Variants in MFHAS1 observed in about 807,000 individuals in gnomAD.
MFHAS1 encodes the protein malignant fibrous histiocytoma-amplified sequence 1.
In MFHAS1, 50 loss-of-function variants were observed where a neutral mutation model predicts 70.4. That is an observed-to-expected ratio of 0.71 (90% CI 0.57 to 0.90). The LOEUF (loss-of-function observed/expected upper bound fraction) is 0.90. Ranked by LOEUF, MFHAS1 falls within the 40% of genes least tolerant of loss-of-function variation. MFHAS1 has a pLI of 0.00. For missense variants in MFHAS1, 1,795 were observed against 1,347.6 expected, an observed-to-expected ratio of 1.33 and a Z score of -5.20; for synonymous variants, 952 against 620.0, an observed-to-expected ratio of 1.54 and a Z score of -7.96.
rs529739284 is a variant in MFHAS1, at chr8:8,833,987, A to T, written c.2999-36496T>A. On this transcript the variant is annotated intron_variant, in intron 1 of 2. Coordinates refer to ENST00000276282, the MANE Select transcript of MFHAS1 (RefSeq NM_004225.3). ...CTAAAAATACAAAAATTAGCTGGGCATGGTGGTACATGTCTGTAATCCCAG... is the reference window on the plus strand; with the variant it reads ...CTAAAAATACAAAAATTAGCTGGGCTTGGTGGTACATGTCTGTAATCCCAG... 1.5e-3 allele frequency among the ~76,000 whole-genome samples: 229 copies of T among 152,102 alleles called. 3 individuals are homozygous for T. The highest frequency in any genetic ancestry group is 4.8e-3 in the African/African-American group (199 of 41,510).
At chr8:8,840,996 T>A (rs1261554099) in intron 1 of MFHAS1, among the ~76,000 whole-genome samples, 1 of 152,232 alleles carries the variant, frequency 6.6e-6, no homozygotes, top group African/African-American at 2.4e-5. Flanking sequence ...TGTAAAACTA[T>A]AAGCCCCATC....
chr8:8,842,142 C>T (rs11992868), intron 1 of MFHAS1, among the ~76,000 whole-genome samples: 4,694 of 152,252 alleles, frequency 0.031, 181 homozygotes, highest in African/African-American at 0.097. Flanking sequence ...GCACGACCCA[C>T]CCTACCTTCT....
rs763484243 is a variant in MFHAS1 at position 8,891,426 on chromosome 8, G to A, written c.1633C>T (p.Arg545Cys). The change falls in exon 1 of 3, where the codon CGT (arginine) becomes TGT (cysteine). Residue 545 changes from arginine to cysteine, a missense_variant. Arg to Cys is a radical substitution (Grantham distance 180). Transcript: ENST00000276282. The surrounding 1 kb of genome is among the most constrained non-coding windows in gnomAD (Gnocchi z 5.4). ...VGTHADLCGE[R>C]ELEEKCLDIH... is the part of the protein sequence containing the mutation. Reference sequence around the variant, plus strand: ...TCCAGACATTTCTCCTCCAGCTCACGCTCTCCGCACAGGTCTGCGTGGGTG... The same window carrying A: ...TCCAGACATTTCTCCTCCAGCTCACACTCTCCGCACAGGTCTGCGTGGGTG... 5.6e-6 allele frequency: 9 copies of A among 1,612,666 alleles called. No individual in the cohort carries two copies. In the Admixed American group the frequency reaches 8.3e-5, roughly 15 times the overall value.
intron 1 of MFHAS1, among the ~76,000 whole-genome samples, chr8:8,865,836 T>C (rs1289307947): frequency 1.3e-5 from 2 of 152,178 alleles, no homozygotes; most frequent in Admixed American, 6.5e-5. Context: ...AGAAGCCTGG[T>C]TGATGTAAAA....
intron 2 of MFHAS1, among the ~76,000 whole-genome samples, chr8:8,790,799 T>C (rs769084832): frequency 6.6e-6 from 1 of 152,202 alleles, no homozygotes; most frequent in Non-Finnish European, 1.5e-5. Flanking sequence ...TATTTGGTGA[T>C]ATAAAGGCTA....
chr8:8,838,115 A>T (rs1478033721), intron 1 of MFHAS1, among the ~76,000 whole-genome samples: 4 of 152,268 alleles, frequency 2.6e-5, no homozygotes, highest in Non-Finnish European at 5.9e-5. Flanking sequence ...CAACACCTCA[A>T]GAGTGAGTGT....
chr8:8,835,253 T>TA (rs1807556785), intron 1 of MFHAS1, among the ~76,000 whole-genome samples: 2 of 152,050 alleles, frequency 1.3e-5, no homozygotes, highest in African/African-American at 4.8e-5. Flanking sequence ...ATCACACACT[T>TA]AAAAAAATAG....
chr8:8,816,224 G>C (rs74526394), intron 1 of MFHAS1, among the ~76,000 whole-genome samples: 1,778 of 152,148 alleles, frequency 0.012, 37 homozygotes, highest in East Asian at 0.083. Flanking sequence ...TGGGGTCTGG[G>C]GTGACGATTT....
At chr8:8,887,859 C>CAAA (rs11300082) in intron 1 of MFHAS1, among the ~76,000 whole-genome samples, 5 of 95,458 alleles carry the variant, frequency 5.2e-5, no homozygotes, top group Non-Finnish European at 9.4e-5. Context: ...GCAAAAAAAA[C>CAAA]AAAAAAAAAA....
intron 1 of MFHAS1, among the ~76,000 whole-genome samples, chr8:8,883,302 G>A (rs1809601798): frequency 6.6e-6 from 1 of 152,194 alleles, no homozygotes; most frequent in African/African-American, 2.4e-5. Flanking sequence ...AGAGACAAGA[G>A]AGGGCAGTAC....
intron 1 of MFHAS1, among the ~76,000 whole-genome samples, chr8:8,851,882 G>C (rs988309535): frequency 6.6e-6 from 1 of 152,166 alleles, no homozygotes; most frequent in African/African-American, 2.4e-5. Context: ...CGATCACAGT[G>C]TTCTCCATTC....
At chr8:8,855,324 G>C (rs1488566798) in intron 1 of MFHAS1, among the ~76,000 whole-genome samples, 1 of 152,170 alleles carries the variant, frequency 6.6e-6, no homozygotes, top group African/African-American at 2.4e-5. Flanking sequence ...ATTAAGACAT[G>C]GCATCTTACC....
intron 1 of MFHAS1, among the ~76,000 whole-genome samples, chr8:8,874,267 T>A (rs1039547766): frequency 2.6e-5 from 4 of 152,004 alleles, no homozygotes; most frequent in Admixed American, 6.6e-5. Flanking sequence ...GGTATAGGTG[T>A]GACTGAACAA....
Position 8,890,650 on chromosome 8 carries a change from A to G in MFHAS1, c.2409T>C (p.Ile803=). ...GGACATGAGGCTTAAGCAGCAACCG[A>G]ATGACATGAGCTGGCAAGAGCCCAT... is the stretch of plus-strand genomic sequence containing the variant. The part of the protein sequence containing the change: ...LLHGLLPAHV[I]RLLLKPHVQA... Residue 803 remains isoleucine, a synonymous_variant, in exon 1 of 3, where the codon ATT becomes ATC. Coordinates refer to ENST00000276282, the MANE Select transcript of MFHAS1 (RefSeq NM_004225.3). 1 of 1,613,606 alleles carries G rather than the reference A, an allele frequency of 6.2e-7. No individual in the cohort carries two copies. Among genetic ancestry groups the G allele is most frequent in the Non-Finnish European group, 8.5e-7 (1 of 1,179,682 alleles).
At chr8:8,826,777 C>T (rs561577102) in intron 1 of MFHAS1, among the ~76,000 whole-genome samples, 17 of 152,164 alleles carry the variant, frequency 1.1e-4, no homozygotes, top group African/African-American at 4.1e-4. Flanking sequence ...TTGGGTTTTC[C>T]GATTCCAACT....
At chr8:8,831,844 G>A (rs1232404409) in intron 1 of MFHAS1, among the ~76,000 whole-genome samples, 19 of 152,014 alleles carry the variant, frequency 1.2e-4, no homozygotes, top group Non-Finnish European at 1.5e-4. Context: ...TTGACCTCAC[G>A]TGATCCGTCT....
At chr8:8,871,794 T>C (rs1057378938) in intron 1 of MFHAS1, among the ~76,000 whole-genome samples, 12 of 152,240 alleles carry the variant, frequency 7.9e-5, no homozygotes, top group Non-Finnish European at 1.6e-4. Context: ...GATGTATGAA[T>C]GGCATTCAAG....
chr8:8,836,460 T>C (rs1284983869), intron 1 of MFHAS1, among the ~76,000 whole-genome samples: 1 of 152,058 alleles, frequency 6.6e-6, no homozygotes, highest in East Asian at 1.9e-4. Flanking sequence ...CTCACTGCAG[T>C]CTCAAACTCC....
In MFHAS1 at chr8:8,891,688, G is replaced by T; in HGVS notation, c.1371C>A (p.Gly457=). 6.2e-7 allele frequency: 1 copy of T among 1,613,574 alleles called. No individual in the cohort carries two copies. The highest frequency in any genetic ancestry group is 8.5e-7 in the Non-Finnish European group (1 of 1,180,032). ...CGGCCGTCCAGCTGGTCACCTCGAT[G>T]CCCTTGCTCACAGGGGGAGGTGACG... The part of the protein sequence containing the change: ...YPPSPPPVSK[G]IEVTSWTADA... Residue 457 remains glycine (G), a synonymous_variant, in exon 1 of 3, where the codon GGC becomes GGA. Transcript: ENST00000276282. This position sits in a 1 kb window ranked among gnomAD's most constrained non-coding sequence, Gnocchi z 5.4.
Sources: allele counts gnomAD v4.1 joint callset (sites outside exome capture counted in the v4.1 genomes callset), GRCh38; gene constraint gnomAD v4.1.1; non-coding constraint Gnocchi (gnomAD v3.1); transcripts MANE v1.5; gene names NCBI Gene and HGNC (gene_info 2026-07-23, HGNC 2026-07-21).